Variants in SHROOM3 observed in about 807,000 individuals in gnomAD.
SHROOM3 encodes the protein shroom family member 3.
A neutral mutation model predicts 138.6 loss-of-function variants in SHROOM3; 47 were observed. The ratio of observed to expected loss-of-function variants is 0.34; its 90% CI spans 0.27 to 0.43. The LOEUF is 0.43. Ranked by LOEUF, SHROOM3 falls within the 20% of genes least tolerant of loss-of-function variation. The pLI is 1.00. For synonymous variants in SHROOM3, 1,062 were observed against 1,063.3 expected, an observed-to-expected ratio of 1.00 and a Z score of 0.02; for missense variants, 2,491 against 2,596.5, an observed-to-expected ratio of 0.96 and a Z score of 0.88.
At chr4:76,443,929 G>C (rs1730750285) in intron 1 of SHROOM3, among the ~76,000 whole-genome samples, 1 of 151,968 alleles carries the variant, frequency 6.6e-6, no homozygotes, top group African/African-American at 2.4e-5. Context: ...AGATTTATGA[G>C]ATTATTTATT....
At chr4:76,637,323 C>G (rs1163108442) in intron 2 of SHROOM3, among the ~76,000 whole-genome samples, 2 of 152,182 alleles carry the variant, frequency 1.3e-5, no homozygotes. Context: ...GGCACAGGCT[C>G]TCTGTTTCCC....
At position 76,435,755 on chromosome 4, in the gene SHROOM3, T is replaced by C. The variant is rs186518688; in HGVS notation, c.-298T>C. 8 of 291,066 alleles carry C rather than the reference T, an allele frequency of 2.7e-5. No individual in the cohort carries two copies. The highest frequency in any genetic ancestry group is 5.1e-5 in the Non-Finnish European group (8 of 156,628). 18.0% of individuals were successfully genotyped at this position (291,066 alleles called of 1,614,324 possible). Reference sequence around the variant, plus strand: ...AGAAAAGCAATCTTCAGAGCGCCACTGAAGGAAGTTTTGACGAACGGAGTA... The same window carrying C: ...AGAAAAGCAATCTTCAGAGCGCCACCGAAGGAAGTTTTGACGAACGGAGTA... On this transcript the variant is annotated 5_prime_UTR_variant, in exon 1 of 11. Coordinates refer to ENST00000296043, the MANE Select transcript of SHROOM3 (RefSeq NM_020859.4).
intron 2 of SHROOM3, among the ~76,000 whole-genome samples, chr4:76,665,825 C>G (rs1368923654): frequency 5.3e-5 from 8 of 152,178 alleles, no homozygotes; most frequent in Admixed American, 5.2e-4. Context: ...TTCAAAACCT[C>G]TCTCTCCTGT....
chr4:76,534,928 G>C (rs1732919381), intron 1 of SHROOM3, among the ~76,000 whole-genome samples: 1 of 152,030 alleles, frequency 6.6e-6, no homozygotes, highest in South Asian at 2.1e-4. Flanking sequence ...TTACTCCCCA[G>C]ATCCATTTTT....
chr4:76,513,650 C>T (rs11734961), intron 1 of SHROOM3, among the ~76,000 whole-genome samples: 44,474 of 151,954 alleles, frequency 0.29, 7,321 homozygotes, highest in African/African-American at 0.43. Context: ...TCACATTTAC[C>T]GGTAGTATGC....
chr4:76,689,912 CAG>C (rs1386876052), intron 2 of SHROOM3, among the ~76,000 whole-genome samples: 1 of 152,156 alleles, frequency 6.6e-6, no homozygotes, highest in Non-Finnish European at 1.5e-5. Context: ...GGCTTTTTAT[CAG>C]AGAGGCAGTA....
chr4:76,728,563 G>A (rs1451476008), intron 3 of SHROOM3, among the ~76,000 whole-genome samples: 1 of 152,184 alleles, frequency 6.6e-6, no homozygotes, highest in Non-Finnish European at 1.5e-5. Context: ...TCAGCAGCGT[G>A]AGAATGAACT....
rs949496836 is a variant in SHROOM3 at position 76,780,312 on chromosome 4, C to T, written c.*1135C>T. ...CCAGTTGTAAGCTTATAAAAACAAACTGGAAGGCTGAGGAGGTTATGGGCT... is the reference window on the plus strand; with the variant it reads ...CCAGTTGTAAGCTTATAAAAACAAATTGGAAGGCTGAGGAGGTTATGGGCT... On this transcript the variant is annotated 3_prime_UTR_variant, in exon 11 of 11. Coordinates refer to ENST00000296043, the MANE Select transcript of SHROOM3 (RefSeq NM_020859.4). 4 of 152,120 alleles carry T rather than the reference C, an allele frequency of 2.6e-5. No homozygotes were observed. 9.4% of individuals were successfully genotyped at this position (152,120 alleles called of 1,614,324 possible).
At chr4:76,597,380 C>A (rs965401822) in intron 2 of SHROOM3, among the ~76,000 whole-genome samples, 1 of 151,986 alleles carries the variant, frequency 6.6e-6, no homozygotes, top group Non-Finnish European at 1.5e-5. Context: ...CAATTGGACT[C>A]ATGAGAAAAA....
chr4:76,583,979 A>G (rs1167828017), intron 2 of SHROOM3, among the ~76,000 whole-genome samples: 1 of 152,250 alleles, frequency 6.6e-6, no homozygotes, highest in Non-Finnish European at 1.5e-5. Context: ...AGGACAGGTT[A>G]TTTAATTGCT....
intron 6 of SHROOM3, among the ~76,000 whole-genome samples, chr4:76,753,241 T>A (rs571782397): frequency 6.6e-6 from 1 of 152,238 alleles, no homozygotes; most frequent in Non-Finnish European, 1.5e-5. Flanking sequence ...TATTCCATCA[T>A]CTGCATCTAT....
intron 2 of SHROOM3, among the ~76,000 whole-genome samples, chr4:76,568,299 G>T (rs1035678086): frequency 5.9e-5 from 9 of 152,196 alleles, no homozygotes; most frequent in African/African-American, 1.9e-4. Context: ...GTAAAGTGGG[G>T]ATAGTAACAG....
intron 1 of SHROOM3, among the ~76,000 whole-genome samples, chr4:76,546,541 C>T (rs72659771): frequency 6.6e-6 from 1 of 152,350 alleles, no homozygotes; most frequent in Non-Finnish European, 1.5e-5. Flanking sequence ...TCATTGGCCT[C>T]ACTTTATGTT....
chr4:76,484,785 A>C (rs1731694497), intron 1 of SHROOM3, among the ~76,000 whole-genome samples: 1 of 152,170 alleles, frequency 6.6e-6, no homozygotes, highest in South Asian at 2.1e-4. Flanking sequence ...TAAGCTTCGG[A>C]GCTGGTTGGG....
intron 7 of SHROOM3, among the ~76,000 whole-genome samples, chr4:76,755,497 G>A (rs1721776886): frequency 2.0e-5 from 3 of 152,118 alleles, no homozygotes; most frequent in Non-Finnish European, 2.9e-5. Flanking sequence ...AATCAGTTAG[G>A]AAATAAGACA....
intron 2 of SHROOM3, among the ~76,000 whole-genome samples, chr4:76,581,570 G>A (rs1029181850): frequency 2.0e-5 from 3 of 152,178 alleles, no homozygotes; most frequent in Non-Finnish European, 4.4e-5. Flanking sequence ...GGTGTCATCA[G>A]CCTGGGATAA....
At chr4:76,758,822 A>G (rs1454556915) in intron 8 of SHROOM3, among the ~76,000 whole-genome samples, 1 of 152,230 alleles carries the variant, frequency 6.6e-6, no homozygotes, top group Non-Finnish European at 1.5e-5. Flanking sequence ...GTACTTCCAT[A>G]GAGTCATTTA....
intron 2 of SHROOM3, among the ~76,000 whole-genome samples, chr4:76,633,473 G>A (rs1392058185): frequency 6.6e-6 from 1 of 151,540 alleles, no homozygotes; most frequent in African/African-American, 2.4e-5. Flanking sequence ...TGACTAACAC[G>A]GTGAAAGCCC....
At chr4:76,467,715 TG>T (rs1429184033) in intron 1 of SHROOM3, among the ~76,000 whole-genome samples, 1 of 152,168 alleles carries the variant, frequency 6.6e-6, no homozygotes, top group African/African-American at 2.4e-5. Flanking sequence ...GGAGGAAGCA[TG>T]GAAAGACTTG....
Sources: gnomAD v4.1 joint callset for allele counts (sites outside exome capture counted in the v4.1 genomes callset) on GRCh38, gnomAD v4.1.1 for gene constraint, MANE v1.5 for transcripts, NCBI Gene and HGNC (gene_info 2026-07-23, HGNC 2026-07-21) for gene names.